Variants in CLDN16 observed in about 807,000 individuals in gnomAD.
CLDN16 encodes the protein claudin-16.
In CLDN16, 13 loss-of-function variants were observed where a neutral mutation model predicts 24.6. The ratio of observed to expected loss-of-function variants is 0.53; its 90% CI spans 0.34 to 0.84. The LOEUF (loss-of-function observed/expected upper bound fraction) is 0.84. Ranked by LOEUF, CLDN16 falls within the 40% of genes least tolerant of loss-of-function variation. The pLI, the probability that CLDN16 is intolerant of heterozygous loss-of-function variation, is 0.01. For missense variants in CLDN16, 298 were observed against 292.7 expected (o/e 1.02, Z -0.13); for synonymous variants, 116 against 106.7 (o/e 1.09, Z -0.54).
In CLDN16 at chr3:190,363,559, T is replaced by C. The variant is rs1473073403; in HGVS notation, n.122-7334T>C. On this transcript the variant is annotated intron_variant and non_coding_transcript_variant, in intron 1 of 4. Coordinates refer to the CLDN16 transcript ENST00000468220. The stretch of plus-strand genomic sequence containing the variant: ...TGCTGTGCGTGTGTGTGTGTGTGTA[T>C]ATATATATATATATATATATATATA... Among the ~76,000 whole-genome samples the C allele has an allele frequency of 6.3e-3, 510 of 80,470 alleles. 25 individuals are homozygous for C. The highest frequency in any genetic ancestry group is 9.3e-3 in the African/African-American group (181 of 19,506). 52.8% of individuals were successfully genotyped at this position (80,470 alleles called of 152,430 possible).
Position 190,364,828 on chromosome 3 carries a change from CT to C in CLDN16, n.122-6054del, listed in dbSNP as rs796856226. On this transcript the variant is annotated intron_variant and non_coding_transcript_variant, in intron 1 of 4. Coordinates refer to the CLDN16 transcript ENST00000468220. ...CTCAAAGAGGGGAGCTGAGCGTTGT[CT>C]TTTTTTTTTTCGAGGTGATTATATC... 2.9e-3 allele frequency among the ~76,000 whole-genome samples: 425 copies of C among 146,754 alleles called. 6 individuals are homozygous for C. Among genetic ancestry groups the C allele is most frequent in the African/African-American group, 8.9e-3 (357 of 40,254 alleles).
At chr3:190,337,547 G>T (rs543343557) in intron 1 of CLDN16, among the ~76,000 whole-genome samples, 2 of 152,268 alleles carry the variant, frequency 1.3e-5, no homozygotes, top group South Asian at 4.1e-4. Context: ...TCTCACCAAA[G>T]CTCATATACC....
Position 190,393,214 on chromosome 3 carries a change from A to C in CLDN16, c.114+4771A>C, listed in dbSNP as rs1718724358. ...GTGATGTTACTCACCAAGAGTTTAA[A>C]TGAATGAAAATTAGTATCTATACAG... On this transcript the variant is annotated intron_variant, in intron 1 of 4. Transcript: ENST00000264734. 2.6e-5 allele frequency among the ~76,000 whole-genome samples: 4 copies of C among 152,322 alleles called. No individual in the cohort carries two copies. The South Asian group carries it at 8.3e-4, about 32-fold the overall frequency.
chr3:190,303,639 TC>T, the CLDN16 span, among the ~76,000 whole-genome samples: 24 of 152,302 alleles, frequency 1.6e-4, no homozygotes, highest in African/African-American at 4.8e-4. Context: ...CTAAGGACTC[TC>T]CTGAAAATTG....
chr3:190,386,879 A>C (rs1156882692), upstream of CLDN16, among the ~76,000 whole-genome samples: 1 of 152,238 alleles, frequency 6.6e-6, no homozygotes, highest in African/African-American at 2.4e-5. Flanking sequence ...ATTGTAATAT[A>C]TTTTGAAAAA....
intron 1 of CLDN16, among the ~76,000 whole-genome samples, chr3:190,364,839 T>C (rs903068448): frequency 1.3e-5 from 2 of 151,634 alleles, no homozygotes; most frequent in African/African-American, 2.4e-5. Context: ...TTTTTTTTTT[T>C]CGAGGTGATT....
intron 3 of CLDN16, among the ~76,000 whole-genome samples, chr3:190,407,723 G>T (rs1420652519): frequency 6.6e-6 from 1 of 152,146 alleles, no homozygotes; most frequent in Admixed American, 6.5e-5. Flanking sequence ...AGTAGATAAA[G>T]ATTTATTTGA....
intron 1 of CLDN16, among the ~76,000 whole-genome samples, chr3:190,359,979 C>T (rs1313770814): frequency 6.6e-6 from 1 of 151,934 alleles, no homozygotes; most frequent in African/African-American, 2.4e-5. Context: ...GACACTCTGG[C>T]TAGGGCTGGA....
chr3:190,333,832 G>A lies in CLDN16; in HGVS notation n.121+11171G>A, dbSNP rs1323783638. Among the ~76,000 whole-genome samples, 3 of 151,930 alleles carry A rather than the reference G, an allele frequency of 2.0e-5. No homozygotes were observed. The South Asian group carries it at 6.2e-4, about 31-fold the overall frequency. The stretch of plus-strand genomic sequence containing the variant: ...TCTTCAAAGGTGTATTATTTGCAAG[G>A]CACTGGAAATACTGTGATAAAAGGC... On this transcript the variant is annotated intron_variant and non_coding_transcript_variant, in intron 1 of 4. Transcript: ENST00000468220.
chr3:190,356,844 T>C (rs1717785476), intron 1 of CLDN16, among the ~76,000 whole-genome samples: 1 of 152,070 alleles, frequency 6.6e-6, no homozygotes, highest in African/African-American at 2.4e-5. Flanking sequence ...GTTGAAAATA[T>C]TTTATTATTC....
intron 1 of CLDN16, among the ~76,000 whole-genome samples, chr3:190,328,368 A>G (rs1372534820): frequency 6.6e-6 from 1 of 152,170 alleles, no homozygotes; most frequent in African/African-American, 2.4e-5. Flanking sequence ...TCTCCATTAG[A>G]CATGATGTTA....
chr3:190,340,969 G>T (rs112418798), intron 1 of CLDN16, among the ~76,000 whole-genome samples: 2 of 152,110 alleles, frequency 1.3e-5, no homozygotes, highest in African/African-American at 4.8e-5. Context: ...CAGGTCTCAC[G>T]ACCAGGTCAT....
intron 1 of CLDN16, among the ~76,000 whole-genome samples, chr3:190,364,065 A>AT (rs5855328): frequency 0.35 from 53,529 of 151,418 alleles, 9,624 homozygotes; most frequent in African/African-American, 0.4. Flanking sequence ...GGTCCTTTTT[A>AT]TTTTTTTTGG....
intron 1 of CLDN16, among the ~76,000 whole-genome samples, chr3:190,342,390 A>C (rs561048298): frequency 6.6e-6 from 1 of 152,366 alleles, no homozygotes; most frequent in East Asian, 1.9e-4. Context: ...TAAAATCAAC[A>C]TACAAAAATC....
At chr3:190,303,491 T>G in the CLDN16 span, among the ~76,000 whole-genome samples, 4 of 151,752 alleles carry the variant, frequency 2.6e-5, no homozygotes, top group East Asian at 1.9e-4. Context: ...TGTGGGGGGG[T>G]TTGGGTGTGT....
intron 1 of CLDN16, among the ~76,000 whole-genome samples, chr3:190,333,531 CATCTATCT>C (rs71947568): frequency 0.21 from 29,931 of 143,412 alleles, 3,239 homozygotes; most frequent in South Asian, 0.27. Context: ...ATCAGTCTAT[CATCTATCT>C]ATCTATCTAT....
Position 190,411,982 on chromosome 3 carries a change from G to A in CLDN16, c.*1946G>A, listed in dbSNP as rs1719296937. On this transcript the variant is annotated 3_prime_UTR_variant, in exon 5 of 5. Transcript: ENST00000264734. ...TGTCTTGAAATCCTTGTGGGGAAAGGCAGGACAAAAATAATTAGTTAATTA... is the reference window on the plus strand; with the variant it reads ...TGTCTTGAAATCCTTGTGGGGAAAGACAGGACAAAAATAATTAGTTAATTA... 6.6e-6 allele frequency: 1 copy of A among 151,890 alleles called. No homozygotes were observed. Among genetic ancestry groups the A allele is most frequent in the Non-Finnish European group, 1.5e-5 (1 of 67,924 alleles). 9.4% of individuals were successfully genotyped at this position (151,890 alleles called of 1,614,324 possible). A position where few individuals can be genotyped will look rare whatever the true frequency, so the allele number is the denominator to read the frequency against.
chr3:190,337,187 T>G (rs186243348), intron 1 of CLDN16, among the ~76,000 whole-genome samples: 10 of 152,288 alleles, frequency 6.6e-5, no homozygotes, highest in Admixed American at 4.6e-4. Flanking sequence ...GAGGCAGGAT[T>G]TGGGTTAGTG....
chr3:190,392,059 C>CTTTTTTTTTTTTTTTTTTTTT (rs35220103), intron 1 of CLDN16, among the ~76,000 whole-genome samples: 10 of 126,094 alleles, frequency 7.9e-5, no homozygotes, highest in African/African-American at 2.3e-4. Flanking sequence ...CCTTTTCAGT[C>CTTTTTTTTTTTTTTTTTTTTT]TTTTTTTTTT....
Sources: allele counts gnomAD v4.1 joint callset (sites outside exome capture counted in the v4.1 genomes callset), GRCh38; gene constraint gnomAD v4.1.1; transcripts MANE v1.5; gene names NCBI Gene and HGNC (gene_info 2026-07-23, HGNC 2026-07-21).